Variants in PHF24 observed in about 807,000 individuals in gnomAD.
The protein encoded by PHF24 is Galpha inhibitory interacting protein.
In PHF24, 25 loss-of-function variants were observed where a neutral mutation model predicts 42.6. That is an observed-to-expected ratio of 0.59 (90% CI 0.43 to 0.82). PHF24 has a LOEUF of 0.82. Ranked by LOEUF, PHF24 falls within the 40% of genes least tolerant of loss-of-function variation. PHF24 has a pLI of 0.00. For missense variants in PHF24, 470 were observed against 538.1 expected, an observed-to-expected ratio of 0.87 and a Z score of 1.25; for synonymous variants, 185 against 204.8, an observed-to-expected ratio of 0.90 and a Z score of 0.83.
chr9:34,765,828 G>C, the PHF24 span, among the ~76,000 whole-genome samples: 1 of 152,144 alleles, frequency 6.6e-6, no homozygotes, highest in Non-Finnish European at 1.5e-5. Flanking sequence ...TGATTTTGCA[G>C]TGGCTGGTAC....
chr9:34,902,593 A>G, the PHF24 span, among the ~76,000 whole-genome samples: 3 of 152,142 alleles, frequency 2.0e-5, no homozygotes, highest in Admixed American at 6.6e-5. Context: ...GGTCAAGGCT[A>G]CAGTGAACCA....
the PHF24 span, chr9:34,833,552 G>A: frequency 6.4e-7 from 1 of 1,551,642 alleles, no homozygotes; most frequent in African/African-American, 1.4e-5. Context: ...TGCTGCAGCA[G>A]TTTGTTCCCT....
the PHF24 span, among the ~76,000 whole-genome samples, chr9:34,948,351 T>C: frequency 6.6e-6 from 1 of 152,228 alleles, no homozygotes; most frequent in Non-Finnish European, 1.5e-5. Flanking sequence ...ACAGTGTTTA[T>C]AAAGTCTACA....
At chr9:34,981,031 G>GC (rs1020076914) in exon 8 of PHF24, 33 of 152,426 alleles carry the variant, frequency 2.2e-4, no homozygotes, top group African/African-American at 7.7e-4. Context: ...CCTCTCCTGA[G>GC]CCCAGCCTTC....
At chr9:34,886,796 CTCTATCTATGTA>C in the PHF24 span, among the ~76,000 whole-genome samples, 8 of 135,334 alleles carry the variant, frequency 5.9e-5, no homozygotes, top group African/African-American at 2.1e-4. Flanking sequence ...TGTCTATCTA[CTCTATCTATGTA>C]TCTATCTATG....
the PHF24 span, chr9:34,922,556 T>G: frequency 1.0e-6 from 1 of 972,120 alleles, no homozygotes; most frequent in South Asian, 1.3e-5. Flanking sequence ...AGTGATCTCC[T>G]TTCATTTTCA....
chr9:34,977,791 A>T, intron 7 of PHF24, 150 bp downstream of exon 7: 1 of 777,730 alleles, frequency 1.3e-6, no homozygotes, highest in Admixed American at 2.5e-5. Flanking sequence ...ACCCAAGTCT[A>T]TAGGACCAGC....
At chr9:34,734,287 C>G in the PHF24 span, among the ~76,000 whole-genome samples, 1 of 152,252 alleles carries the variant, frequency 6.6e-6, no homozygotes, top group East Asian at 1.9e-4. Context: ...TGCTAAAGGC[C>G]AACTGTAGCC....
the PHF24 span, chr9:34,922,341 G>A: frequency 6.4e-7 from 1 of 1,568,564 alleles, no homozygotes; most frequent in Non-Finnish European, 8.8e-7. Context: ...ATCAAAAGCT[G>A]TCTTTGCAAG....
At chr9:34,693,878 TG>T in the PHF24 span, among the ~76,000 whole-genome samples, 1 of 152,182 alleles carries the variant, frequency 6.6e-6, no homozygotes, top group Non-Finnish European at 1.5e-5. Context: ...AGCATTTCTT[TG>T]TTTGTTTTTT....
the PHF24 span, chr9:34,832,513 T>C: frequency 6.6e-7 from 1 of 1,517,180 alleles, no homozygotes; most frequent in East Asian, 2.5e-5. Flanking sequence ...TCTGTCTTAC[T>C]TCTCCCCACA....
At chr9:34,913,763 G>C in the PHF24 span, among the ~76,000 whole-genome samples, 10 of 152,168 alleles carry the variant, frequency 6.6e-5, no homozygotes, top group Admixed American at 3.3e-4. Flanking sequence ...TCAGGGCACA[G>C]TAGGTAAAGA....
At chr9:34,769,560 G>A in the PHF24 span, among the ~76,000 whole-genome samples, 2 of 152,172 alleles carry the variant, frequency 1.3e-5, no homozygotes, top group South Asian at 4.1e-4. Context: ...GGCCCAATTA[G>A]ACAAGCTGAT....
chr9:34,703,420 C>T, the PHF24 span, among the ~76,000 whole-genome samples: 3 of 152,170 alleles, frequency 2.0e-5, no homozygotes, highest in South Asian at 2.1e-4. Context: ...CCACCCGCCT[C>T]GGCCTCTCAA....
At chr9:34,689,528 A>T in the PHF24 span, 1 of 352,056 alleles carries the variant, frequency 2.8e-6, no homozygotes. This position sits in a 1 kb window ranked among gnomAD's most constrained non-coding sequence, Gnocchi z 4.1. Flanking sequence ...AAGCAGTAGG[A>T]GTGGAGAAAG....
the PHF24 span, among the ~76,000 whole-genome samples, chr9:34,680,696 AAAT>A: frequency 9.7e-5 from 6 of 62,094 alleles, no homozygotes; most frequent in Admixed American, 1.4e-4. Context: ...TCAAAAAAAA[AAAT>A]AAATAAATAA....
chr9:34,930,418 C>G, the PHF24 span, among the ~76,000 whole-genome samples: 21 of 152,336 alleles, frequency 1.4e-4, no homozygotes, highest in African/African-American at 5.1e-4. Context: ...GAAGCCTCTT[C>G]ACTGAAGGAG....
chr9:34,876,145 T>C, the PHF24 span, among the ~76,000 whole-genome samples: 1 of 152,054 alleles, frequency 6.6e-6, no homozygotes, highest in Non-Finnish European at 1.5e-5. Flanking sequence ...CAATTAAAGC[T>C]CCTTTGTATT....
the PHF24 span, among the ~76,000 whole-genome samples, chr9:34,816,347 A>G: frequency 6.6e-6 from 1 of 152,128 alleles, no homozygotes. Flanking sequence ...TGTTCTACCT[A>G]TTTACTGCTA....
Sources: allele counts gnomAD v4.1 joint callset (sites outside exome capture counted in the v4.1 genomes callset), GRCh38; gene constraint gnomAD v4.1.1; non-coding constraint Gnocchi (gnomAD v3.1); transcripts MANE v1.5; gene names NCBI Gene and HGNC (gene_info 2026-07-23, HGNC 2026-07-21).